The following TBCK variants were observed in gnomAD, a reference collection of about 807,000 sequenced individuals.
TBCK encodes TBC1 domain containing kinase, also known as TBC domain-containing protein kinase-like protein.
TBCK carries 99 observed loss-of-function variants against 113.4 expected under a neutral mutation model. The observed-to-expected ratio is 0.87, with a 90% confidence interval of 0.74 to 1.03. The LOEUF (loss-of-function observed/expected upper bound fraction) is 1.03. TBCK is among the 50% of genes least tolerant of loss of function. TBCK has a pLI of 0.00. For synonymous variants in TBCK, 369 were observed against 370.8 expected (o/e 1.00, Z 0.05); for missense variants, 1,045 against 1,061.3 (o/e 0.98, Z 0.21).
rs1750938826 is a variant in TBCK, at chr4:106,171,098, A to G, written c.2232T>C (p.Asp744=). Residue 744 remains aspartate, a synonymous_variant, in exon 23 of 26, where the codon GAT becomes GAC. Transcript: ENST00000394708. ...SAECPDPPKT[D]LSRESIPLND... ...AACTAAATCCGCAAATACATACCAG[A>G]TCTGTCTTTGGAGGATCTGGACACT... is the stretch of plus-strand genomic sequence containing the variant. 2 of 1,595,576 alleles carry G rather than the reference A, an allele frequency of 1.3e-6. No homozygotes were observed. The highest frequency in any genetic ancestry group is 3.7e-5 in the Admixed American group (2 of 54,410).
intron 3 of TBCK, among the ~76,000 whole-genome samples, chr4:106,268,216 C>A (rs1381841252): frequency 6.6e-6 from 1 of 151,928 alleles, no homozygotes; most frequent in Admixed American, 6.6e-5. Context: ...TTGCAAAGAT[C>A]CTTAATGGGT....
chr4:106,279,903 G>A (rs1262409551), intron 3 of TBCK, among the ~76,000 whole-genome samples: 3 of 152,100 alleles, frequency 2.0e-5, no homozygotes, highest in African/African-American at 7.2e-5. Context: ...TGGGAGTGAA[G>A]ATACCTTTTT....
chr4:106,208,409 C>CTTTTTTTT (rs35298308), intron 20 of TBCK, among the ~76,000 whole-genome samples: 1 of 137,788 alleles, frequency 7.3e-6, no homozygotes. Flanking sequence ...TGAGTGGTGC[C>CTTTTTTTT]TTTTTTTTTT....
Position 106,212,802 on chromosome 4 carries a change from AATGCAATC to A in TBCK, c.1800_1807del (p.Met600IlefsTer3). 6.2e-7 allele frequency: 1 copy of A among 1,613,026 alleles called. No individual in the cohort carries two copies. Among genetic ancestry groups the A allele is most frequent in the Non-Finnish European group, 8.5e-7 (1 of 1,179,386 alleles). ...ATGATTACTCAGCTCTGGATCATGA[AATGCAATC>A]ATCTGAGAGAAGACAGTCAGATACT... On this transcript the variant is annotated frameshift_variant, in exon 20 of 26. Transcript: ENST00000394708. LOFTEE classifies it high-confidence loss of function.
chr4:106,163,682 T>A (rs1750051609), intron 23 of TBCK: 1 of 151,968 alleles, frequency 6.6e-6, no homozygotes. Context: ...CATTAGAAAA[T>A]CAACAGATCT....
chr4:106,166,033 G>A (rs1347786587), intron 23 of TBCK, among the ~76,000 whole-genome samples: 2 of 151,608 alleles, frequency 1.3e-5, no homozygotes, highest in Non-Finnish European at 3.0e-5. Flanking sequence ...TATAAAAGCC[G>A]CTTTTAAAAT....
At chr4:106,170,921 C>G (rs1192420317) in intron 23 of TBCK, among the ~76,000 whole-genome samples, 174 bp downstream of exon 23, 1 of 151,928 alleles carries the variant, frequency 6.6e-6, no homozygotes, top group African/African-American at 2.4e-5. Flanking sequence ...ACTCTATAAC[C>G]AAATAGATAT....
intron 25 of TBCK, among the ~76,000 whole-genome samples, chr4:106,083,024 A>G (rs1019293490): frequency 2.0e-5 from 3 of 152,216 alleles, no homozygotes; most frequent in African/African-American, 7.2e-5. Flanking sequence ...GAATGTGCAG[A>G]TTCTCACAGC....
At chr4:106,297,843 C>G (rs976114405) in intron 2 of TBCK, 2 of 152,174 alleles carry the variant, frequency 1.3e-5, no homozygotes, top group African/African-American at 4.8e-5. Context: ...TCTAACCTCT[C>G]TATGCCAGAT....
At chr4:106,286,620 A>G (rs940167396) in intron 3 of TBCK, among the ~76,000 whole-genome samples, 4 of 152,170 alleles carry the variant, frequency 2.6e-5, no homozygotes, top group African/African-American at 7.2e-5. Flanking sequence ...CGGGCCTAGG[A>G]GTTCAACACC....
At chr4:106,230,994 A>C (rs1014299830) in intron 18 of TBCK, among the ~76,000 whole-genome samples, 1 of 151,848 alleles carries the variant, frequency 6.6e-6, no homozygotes, top group Non-Finnish European at 1.5e-5. Context: ...CAATTCAAAG[A>C]GTAAAATTTC....
intron 24 of TBCK, 97 bp downstream of exon 24, chr4:106,116,105 TC>T (rs1743455711): frequency 8.5e-7 from 1 of 1,176,526 alleles, no homozygotes; most frequent in Admixed American, 2.4e-5. Flanking sequence ...TTCAGAAGAA[TC>T]CCAGAATTTT....
intron 23 of TBCK, among the ~76,000 whole-genome samples, chr4:106,124,026 C>T (rs1178083196): frequency 2.0e-5 from 3 of 151,070 alleles, no homozygotes; most frequent in Admixed American, 6.6e-5. Flanking sequence ...TAAAGAGCTT[C>T]TGCACAGCAA....
At chr4:106,251,503 C>G (rs1367732210) in intron 6 of TBCK, among the ~76,000 whole-genome samples, 4 of 151,808 alleles carry the variant, frequency 2.6e-5, no homozygotes, top group African/African-American at 9.7e-5. Context: ...ACATTACTGT[C>G]ATATCAATCT....
chr4:106,180,941 C>A (rs1053102320), intron 22 of TBCK, among the ~76,000 whole-genome samples: 1 of 152,080 alleles, frequency 6.6e-6, no homozygotes, highest in Non-Finnish European at 1.5e-5. Flanking sequence ...GTTCTAGATC[C>A]TTGAGGAATC....
At chr4:106,276,756 G>A (rs367702952) in intron 3 of TBCK, among the ~76,000 whole-genome samples, 45 of 152,012 alleles carry the variant, frequency 3.0e-4, no homozygotes, top group African/African-American at 9.4e-4. Flanking sequence ...TTGGCCGGCC[G>A]TGGTGGAGGG....
intron 19 of TBCK, among the ~76,000 whole-genome samples, chr4:106,228,588 T>C (rs1758495496): frequency 6.6e-6 from 1 of 152,044 alleles, no homozygotes; most frequent in African/African-American, 2.4e-5. Context: ...TTTTTTCTTA[T>C]GGCTGAATAG....
intron 19 of TBCK, among the ~76,000 whole-genome samples, chr4:106,226,547 G>C (rs1758266565): frequency 6.6e-6 from 1 of 152,066 alleles, no homozygotes; most frequent in East Asian, 1.9e-4. Flanking sequence ...TTTTATATTT[G>C]GAAAGTTCAG....
intron 23 of TBCK, among the ~76,000 whole-genome samples, chr4:106,118,187 T>G (rs1386435196): frequency 2.0e-5 from 3 of 152,176 alleles, no homozygotes; most frequent in Non-Finnish European, 4.4e-5. Context: ...ACACTTAGAA[T>G]ATCCAATTTA....
Sources: gnomAD v4.1 joint callset for allele counts (sites outside exome capture counted in the v4.1 genomes callset) on GRCh38, gnomAD v4.1.1 for gene constraint, MANE v1.5 for transcripts, NCBI Gene and HGNC (gene_info 2026-07-23, HGNC 2026-07-21) for gene names.